KCNT1: variants seen among roughly 807,000 people sequenced by gnomAD.
KCNT1 encodes the protein potassium sodium-activated channel subfamily T member 1.
Under a neutral mutation model 147.8 loss-of-function variants are expected in KCNT1, and 78 were observed. The observed-to-expected ratio is 0.53, with a 90% CI of 0.44 to 0.64. The LOEUF (loss-of-function observed/expected upper bound fraction) is 0.64. Ranked by LOEUF, KCNT1 falls within the 30% of genes least tolerant of loss-of-function variation. The pLI is 0.00. For missense variants in KCNT1, 1,419 were observed against 1,750.3 expected (o/e 0.81, Z 3.38); for synonymous variants, 867 against 748.8 (o/e 1.16, Z -2.58).
intron 1 of KCNT1, among the ~76,000 whole-genome samples, chr9:135,710,385 G>A (rs1835437096): frequency 6.6e-6 from 1 of 152,186 alleles, no homozygotes; most frequent in Non-Finnish European, 1.5e-5. Flanking sequence ...TGATAAACAA[G>A]GACAAATAAG....
intron 2 of KCNT1, among the ~76,000 whole-genome samples, chr9:135,720,934 G>C (rs887236213): frequency 9.8e-5 from 15 of 152,358 alleles, no homozygotes; most frequent in Middle Eastern, 3.4e-3. Context: ...TGAAACAGAG[G>C]GGGACAGTCA....
chr9:135,790,432 A>G (rs919717938), intron 29 of KCNT1: 2 of 152,182 alleles, frequency 1.3e-5, no homozygotes, highest in African/African-American at 4.8e-5. Flanking sequence ...AGGCCGTCCC[A>G]TCCCGCAGGT....
At chr9:135,762,213 G>T (rs1350961322) in intron 11 of KCNT1, among the ~76,000 whole-genome samples, 2 of 152,238 alleles carry the variant, frequency 1.3e-5, no homozygotes, top group Non-Finnish European at 2.9e-5. Context: ...AAAGGCCAAG[G>T]CGGGAGGATC....
chr9:135,729,528 G>C (rs752022942), intron 2 of KCNT1, among the ~76,000 whole-genome samples: 18 of 152,224 alleles, frequency 1.2e-4, no homozygotes, highest in Non-Finnish European at 1.9e-4. Context: ...TCAGCTGTGC[G>C]CAGACTTCTA....
chr9:135,732,073 C>G (rs1836508764), intron 2 of KCNT1, among the ~76,000 whole-genome samples: 1 of 141,364 alleles, frequency 7.1e-6, no homozygotes, highest in African/African-American at 2.7e-5. Context: ...GGCTGGAGTG[C>G]AGTGGCATGA....
Position 135,788,140 on chromosome 9 carries a change from G to A in KCNT1, c.3502+1619G>A, listed in dbSNP as rs770265176. 4.3e-6 allele frequency: 7 copies of A among 1,612,802 alleles called. No individual in the cohort carries two copies. In the South Asian group the frequency reaches 7.7e-5, roughly 18 times the overall value. Reference sequence around the variant, plus strand: ...TAACAGCCAGTGATGTCATGAATCGGGTAAACCTGGGATATTTGCAAGGTA... The same window carrying A: ...TAACAGCCAGTGATGTCATGAATCGAGTAAACCTGGGATATTTGCAAGGTA... On this transcript the variant is annotated intron_variant, in intron 29 of 30. Transcript: ENST00000371757.
intron 11 of KCNT1, among the ~76,000 whole-genome samples, chr9:135,760,999 C>G (rs1831878445): frequency 1.3e-5 from 2 of 151,906 alleles, no homozygotes; most frequent in Non-Finnish European, 2.9e-5. Flanking sequence ...ACTTTGCTTA[C>G]AGAATCTTCC....
intron 29 of KCNT1, chr9:135,788,054 T>A: frequency 6.9e-7 from 1 of 1,440,712 alleles, no homozygotes; most frequent in Non-Finnish European, 9.8e-7. Flanking sequence ...GCTGATATTC[T>A]CTCTCTCTCT....
intron 2 of KCNT1, among the ~76,000 whole-genome samples, chr9:135,739,057 G>A (rs956982592): frequency 1.3e-5 from 2 of 152,038 alleles, no homozygotes; most frequent in African/African-American, 2.4e-5. Flanking sequence ...GGGTCTCCCA[G>A]CCTCATGCCT....
intron 2 of KCNT1, among the ~76,000 whole-genome samples, chr9:135,743,831 G>A (rs1339393462): frequency 6.6e-6 from 1 of 152,248 alleles, no homozygotes; most frequent in Non-Finnish European, 1.5e-5. Context: ...CTATGGGGGG[G>A]CCCCAGAGGC....
In KCNT1 at chr9:135,778,547, T is replaced by C; in HGVS notation, c.2594+52T>C. ...GGGGGCTCCACACCCACCCCTCCCCTCCTCTTCCAAAGTCTGGGGTGACCC... is the reference window on the plus strand; with the variant it reads ...GGGGGCTCCACACCCACCCCTCCCCCCCTCTTCCAAAGTCTGGGGTGACCC... On this transcript the variant is annotated intron_variant, in intron 22 of 30. Coordinates refer to ENST00000371757, the MANE Select transcript of KCNT1 (RefSeq NM_020822.3). 2.5e-6 allele frequency: 4 copies of C among 1,603,816 alleles called. No individual in the cohort carries two copies. The Middle Eastern group carries it at 6.7e-4, about 267-fold the overall frequency.
chr9:135,721,319 T>C (rs1044947170), intron 2 of KCNT1, among the ~76,000 whole-genome samples: 1 of 152,208 alleles, frequency 6.6e-6, no homozygotes, highest in African/African-American at 2.4e-5. Flanking sequence ...GGGGTGGTTA[T>C]ATTTAACATT....
intron 5 of KCNT1, among the ~76,000 whole-genome samples, chr9:135,754,593 G>C (rs1831368533): frequency 6.6e-6 from 1 of 152,210 alleles, no homozygotes; most frequent in Admixed American, 6.5e-5. Flanking sequence ...ATCAGGCAAG[G>C]AGCAGATGGC....
At chr9:135,741,977 G>C (rs559185268) in intron 2 of KCNT1, among the ~76,000 whole-genome samples, 1 of 150,126 alleles carries the variant, frequency 6.7e-6, no homozygotes, top group Non-Finnish European at 1.5e-5. Context: ...GCTCCCATCA[G>C]CCTCTCTCTC....
At chr9:135,785,025 G>A in intron 27 of KCNT1, 136 bp downstream of exon 27, 4 of 1,379,518 alleles carry the variant, frequency 2.9e-6, no homozygotes, top group Non-Finnish European at 3.9e-6. Context: ...TTCAGTGTCA[G>A]GGACCTGGGC....
intron 2 of KCNT1, among the ~76,000 whole-genome samples, chr9:135,726,740 CCTCT>C (rs1836164440): frequency 7.7e-6 from 1 of 129,680 alleles, no homozygotes; most frequent in Non-Finnish European, 1.7e-5. Flanking sequence ...CCTTTCCCTC[CCTCT>C]CTCCCTCCCT....
chr9:135,702,394 G>A (rs1432397341), intron 1 of KCNT1, 26 bp downstream of exon 1: 7 of 1,555,222 alleles, frequency 4.5e-6, no homozygotes, highest in Non-Finnish European at 1.8e-6. Context: ...CCCTCCCCAC[G>A]CGGGGAGGCC....
chr9:135,707,379 T>A (rs764894326), intron 1 of KCNT1, among the ~76,000 whole-genome samples: 4 of 152,010 alleles, frequency 2.6e-5, no homozygotes, highest in Non-Finnish European at 4.4e-5. Context: ...CCCTGCCGGC[T>A]CCAGGCTGTG....
chr9:135,729,645 A>G (rs1223324191), intron 2 of KCNT1, among the ~76,000 whole-genome samples: 1 of 152,174 alleles, frequency 6.6e-6, no homozygotes, highest in African/African-American at 2.4e-5. Flanking sequence ...CTCGTCCTGC[A>G]GAAGTTTCCA....
Sources: allele counts gnomAD v4.1 joint callset (sites outside exome capture counted in the v4.1 genomes callset), GRCh38; gene constraint gnomAD v4.1.1; transcripts MANE v1.5; gene names NCBI Gene and HGNC (gene_info 2026-07-23, HGNC 2026-07-21).